Variants in PIGN observed in about 807,000 individuals in gnomAD.
PIGN encodes the protein GPI ethanolamine phosphate transferase 1.
PIGN carries 117 observed loss-of-function variants against 125.4 expected under a neutral mutation model. The ratio of observed to expected loss-of-function variants is 0.93; its 90% confidence interval spans 0.80 to 1.09. The LOEUF (loss-of-function observed/expected upper bound fraction) is 1.09, where lower values mean the gene tolerates loss of function less well. PIGN is among the 50% of genes least tolerant of loss of function. The pLI is 0.00. For synonymous variants in PIGN, 392 were observed against 377.8 expected (o/e 1.04, Z -0.44); for missense variants, 1,075 against 1,094.9 (o/e 0.98, Z 0.26).
chr18:62,164,874 T>G (rs1390917568), intron 1 of PIGN, among the ~76,000 whole-genome samples: 9 of 152,176 alleles, frequency 5.9e-5, no homozygotes, highest in Admixed American at 5.9e-4. Context: ...AAGAGATTAT[T>G]GTTGATTAGT....
chr18:62,093,764 C>A (rs1429588908), intron 23 of PIGN, among the ~76,000 whole-genome samples: 1 of 151,898 alleles, frequency 6.6e-6, no homozygotes, highest in Non-Finnish European at 1.5e-5. Context: ...CTCTGTAATT[C>A]TGAATATTCA....
At chr18:62,053,708 T>C (rs867317994) in intron 30 of PIGN, among the ~76,000 whole-genome samples, 23 of 152,252 alleles carry the variant, frequency 1.5e-4, no homozygotes, top group African/African-American at 4.6e-4. Flanking sequence ...ACAACAACAC[T>C]GAAAATCAGC....
chr18:62,157,604 C>T (rs2036785333), intron 5 of PIGN, 83 bp downstream of exon 5: 1 of 1,307,060 alleles, frequency 7.7e-7, no homozygotes, highest in Non-Finnish European at 1.1e-6. Context: ...CATACCTTCA[C>T]TTTGTGACAT....
rs557607894 is a variant in PIGN at position 62,149,677 on chromosome 18, C to A, written c.550-1339G>T. Among the ~76,000 whole-genome samples the A allele has an allele frequency of 2.0e-5, 3 of 152,076 alleles. No individual in the cohort carries two copies. The South Asian group carries it at 6.2e-4, about 32-fold the overall frequency. The stretch of plus-strand genomic sequence containing the variant: ...GTAGGAAAGAAGGTCCTTTTTTATT[C>A]TTCATATTTTTGACCTATAACACTA... On this transcript the variant is annotated intron_variant, in intron 7 of 30. Transcript: ENST00000640252.
rs1250732619 is a variant in PIGN, at chr18:62,113,189, A to G, written c.1379T>C (p.Leu460Ser). ...GTTGGAATGAGACTTGATGATCAAC[A>G]AAGAGGCATAAGATATCCATCCCAC... is the stretch of plus-strand genomic sequence containing the variant. The part of the protein sequence containing the change: ...GFVGWISYAS[L>S]LIIKSHSNLI... The change falls in exon 16 of 31, where the codon TTG (leucine) becomes TCG (serine). Residue 460 changes from leucine to serine, a missense_variant. Physicochemically the swap from Leu to Ser is moderately radical, Grantham distance 145 (BLOSUM62 -2). This residue lies in a region of PIGN where 915 missense variants were observed against 908.7 expected (regional missense o/e 1.01). Transcript: ENST00000640252. 1 of 1,612,696 alleles carries G rather than the reference A, an allele frequency of 6.2e-7. No homozygotes were observed. Among genetic ancestry groups the G allele is most frequent in the East Asian group, 2.2e-5 (1 of 44,696 alleles).
intron 5 of PIGN, 77 bp downstream of exon 5, chr18:62,157,610 G>A: frequency 7.5e-7 from 1 of 1,331,094 alleles, no homozygotes; most frequent in Non-Finnish European, 1.1e-6. Context: ...TTCACTTTGT[G>A]ACATGATTAA....
chr18:62,161,806 C>T (rs1207969211), intron 3 of PIGN, among the ~76,000 whole-genome samples: 1 of 152,058 alleles, frequency 6.6e-6, no homozygotes, highest in Non-Finnish European at 1.5e-5. Context: ...ACAATCATTG[C>T]CAATAACGGA....
intron 30 of PIGN, among the ~76,000 whole-genome samples, chr18:62,059,333 A>G (rs560451248): frequency 6.6e-6 from 1 of 152,088 alleles, no homozygotes; most frequent in South Asian, 2.1e-4. Flanking sequence ...CCTTGGTTCC[A>G]GGGGGGAAAC....
rs1192086716 is a variant in PIGN at position 62,043,446 on chromosome 18, T to A, written c.*2410A>T. ...CGCAGGAGGGGAGGAGGATTGACAC[T>A]GATGTTCTTAATATCTGAGTTGGCT... On this transcript the variant is annotated 3_prime_UTR_variant, in exon 31 of 31. Transcript: ENST00000640252. 1 of 152,208 alleles carries A rather than the reference T, an allele frequency of 6.6e-6. No individual in the cohort carries two copies. Among genetic ancestry groups the A allele is most frequent in the Non-Finnish European group, 1.5e-5 (1 of 68,036 alleles). The allele number at this position is 152,208 out of a possible 1,614,324, so 9.4% of individuals were successfully genotyped here.
chr18:62,127,731 C>T (rs1313370413), intron 14 of PIGN, among the ~76,000 whole-genome samples: 1 of 151,954 alleles, frequency 6.6e-6, no homozygotes, highest in Non-Finnish European at 1.5e-5. Context: ...TGCTTCTTCA[C>T]CCAGACTGGA....
At chr18:62,036,084 CA>C (rs1182240533) in intron 23 of PIGN, among the ~76,000 whole-genome samples, 1 of 152,174 alleles carries the variant, frequency 6.6e-6, no homozygotes, top group Admixed American at 6.5e-5. Context: ...GAGGAAAAGG[CA>C]ACAGGCAGGA....
At position 62,073,830 on chromosome 18, in the gene PIGN, CT is replaced by C. The variant is rs529550158; in HGVS notation, c.2619+948del. 3.2e-3 allele frequency among the ~76,000 whole-genome samples: 481 copies of C among 152,328 alleles called. 2 individuals are homozygous for C. The highest frequency in any genetic ancestry group is 0.011 in the African/African-American group (457 of 41,566). On this transcript the variant is annotated intron_variant, in intron 29 of 30. Coordinates refer to ENST00000640252, the MANE Select transcript of PIGN (RefSeq NM_176787.5). ...GACCGCTGGTGTTCATTCTCAGCTACTGGGAGGCAATTTCTGGGCCCTTGGA... is the reference window on the plus strand; with the variant it reads ...GACCGCTGGTGTTCATTCTCAGCTACGGGAGGCAATTTCTGGGCCCTTGGA...
chr18:62,071,906 ATAT>A (rs2032895201), intron 30 of PIGN, among the ~76,000 whole-genome samples: 2 of 100,704 alleles, frequency 2.0e-5, no homozygotes, highest in Admixed American at 1.0e-4. Context: ...ATATATATAT[ATAT>A]AAATTTAACT....
At chr18:62,132,262 C>T (rs945423626) in intron 14 of PIGN, among the ~76,000 whole-genome samples, 4 of 152,020 alleles carry the variant, frequency 2.6e-5, no homozygotes, top group African/African-American at 9.7e-5. Context: ...AATAAAGGGT[C>T]GATGGTACTC....
At chr18:62,051,184 C>A (rs374061403) in intron 30 of PIGN, among the ~76,000 whole-genome samples, 6 of 151,240 alleles carry the variant, frequency 4.0e-5, no homozygotes, top group Non-Finnish European at 8.9e-5. Context: ...TGTCTCTGCC[C>A]GGCTTTGGTA....
At chr18:62,179,953 C>G (rs2037659495) in intron 1 of PIGN, among the ~76,000 whole-genome samples, 1 of 152,130 alleles carries the variant, frequency 6.6e-6, no homozygotes, top group African/African-American at 2.4e-5. Flanking sequence ...CTCAAACATT[C>G]AAGACCTATA....
At chr18:62,121,769 A>T (rs1314224009) in intron 14 of PIGN, among the ~76,000 whole-genome samples, 1 of 152,032 alleles carries the variant, frequency 6.6e-6, no homozygotes, top group Admixed American at 6.6e-5. Flanking sequence ...CCCTTAATCT[A>T]CTGATGGGCA....
Position 62,140,402 on chromosome 18 carries a change from T to A in PIGN, c.1023+18A>T. ...TTTTTTTTATACTGAGAGTTGATAA[T>A]AAAATTTTATTCCTTACCACTGAGT... On this transcript the variant is annotated intron_variant, in intron 12 of 30. Transcript: ENST00000640252. The A allele has an allele frequency of 8.2e-7, 1 of 1,212,490 alleles. No homozygotes were observed. The highest frequency in any genetic ancestry group is 1.4e-5 in the South Asian group (1 of 70,564). 75.1% of individuals were successfully genotyped at this position (1,212,490 alleles called of 1,614,324 possible).
At chr18:62,090,728 G>T (rs1300548484) in intron 23 of PIGN, 150 bp from the exon 24 acceptor site, 2 of 534,082 alleles carry the variant, frequency 3.7e-6, no homozygotes, top group Non-Finnish European at 3.3e-6. Context: ...AAGTAGGAAA[G>T]TAATATTTAA....
Sources: gnomAD v4.1 joint callset for allele counts (sites outside exome capture counted in the v4.1 genomes callset) on GRCh38, gnomAD v4.1.1 for gene constraint, gnomAD v4.1.1 regional missense constraint, MANE v1.5 for transcripts, NCBI Gene and HGNC (gene_info 2026-07-23, HGNC 2026-07-21) for gene names.